Variants in KIAA1217 observed in about 807,000 individuals in gnomAD.
KIAA1217 encodes KIAA1217, also known as sickle tail protein homolog.
KIAA1217 carries 88 observed loss-of-function variants against 163.9 expected under a neutral mutation model. The observed-to-expected ratio is 0.54, with a 90% CI of 0.45 to 0.64. KIAA1217 has a LOEUF of 0.64. KIAA1217 is among the 30% of genes least tolerant of loss of function. KIAA1217 has a pLI of 0.00. For missense variants in KIAA1217, 2,372 were observed against 2,475.0 expected (o/e 0.96, Z 0.88); for synonymous variants, 903 against 923.1 (o/e 0.98, Z 0.39).
chr10:24,360,053 T>TTG (rs2049752724), intron 2 of KIAA1217, among the ~76,000 whole-genome samples: 1 of 142,702 alleles, frequency 7.0e-6, no homozygotes, highest in Non-Finnish European at 1.5e-5. Context: ...TTTTTTTTTT[T>TTG]TTTTTTTTTT....
intron 1 of KIAA1217, among the ~76,000 whole-genome samples, chr10:23,790,702 CACAT>C (rs1835901063): frequency 8.5e-6 from 1 of 118,222 alleles, no homozygotes; most frequent in Non-Finnish European, 1.6e-5. Context: ...TATATACACA[CACAT>C]ATATATATGT....
intron 1 of KIAA1217, among the ~76,000 whole-genome samples, chr10:23,784,786 T>C (rs1835415629): frequency 6.6e-6 from 1 of 152,244 alleles, no homozygotes; most frequent in Non-Finnish European, 1.5e-5. Context: ...TTTTCATTTT[T>C]AAATCTTGTA....
chr10:24,497,042 C>T (rs535312619), intron 8 of KIAA1217, among the ~76,000 whole-genome samples: 6 of 152,314 alleles, frequency 3.9e-5, no homozygotes, highest in African/African-American at 9.6e-5. Flanking sequence ...CTCACTCTAA[C>T]GTATCAGGGC....
chr10:24,262,454 C>T lies in KIAA1217; in HGVS notation c.354+42545C>T, dbSNP rs55681201. Reference sequence around the variant, plus strand: ...CATCCTGGCTAATACGGTGAAACTCCGTGTCTACTAAAAATACAAAAAATT... The same window carrying T: ...CATCCTGGCTAATACGGTGAAACTCTGTGTCTACTAAAAATACAAAAAATT... On this transcript the variant is annotated intron_variant, in intron 2 of 20. Transcript: ENST00000376454. Among the ~76,000 whole-genome samples, 881 of 151,884 alleles carry T rather than the reference C, an allele frequency of 5.8e-3. 11 individuals carry two copies. The highest frequency in any genetic ancestry group is 0.02 in the African/African-American group (835 of 41,406).
intron 2 of KIAA1217, among the ~76,000 whole-genome samples, chr10:24,047,941 G>A (rs1168030368): frequency 6.6e-6 from 1 of 152,156 alleles, no homozygotes; most frequent in South Asian, 2.1e-4. Context: ...CTAATAATAA[G>A]GAGCAAGCTG....
intron 2 of KIAA1217, chr10:24,368,805 A>T: frequency 1.0e-6 from 1 of 977,730 alleles, no homozygotes; most frequent in Non-Finnish European, 1.2e-6. Context: ...AAGCTGAGCC[A>T]TCTAGAATCA....
At chr10:24,270,604 G>A (rs921958293) in intron 2 of KIAA1217, among the ~76,000 whole-genome samples, 1 of 152,034 alleles carries the variant, frequency 6.6e-6, no homozygotes, top group Admixed American at 6.6e-5. Context: ...GCAGTGGTGC[G>A]ATTTCAGCTC....
At chr10:23,709,765 T>C (rs1837126899) in intron 1 of KIAA1217, among the ~76,000 whole-genome samples, 1 of 152,162 alleles carries the variant, frequency 6.6e-6, no homozygotes, top group Non-Finnish European at 1.5e-5. Flanking sequence ...TTATCATTTT[T>C]TCTGTTTAAC....
At chr10:24,324,329 G>A (rs1590968604) in intron 2 of KIAA1217, among the ~76,000 whole-genome samples, 1 of 152,180 alleles carries the variant, frequency 6.6e-6, no homozygotes, top group East Asian at 1.9e-4. Flanking sequence ...CACTTCGGGA[G>A]GCCAAGGTGG....
At chr10:24,172,605 C>G (rs1589765599) in intron 2 of KIAA1217, among the ~76,000 whole-genome samples, 1 of 152,310 alleles carries the variant, frequency 6.6e-6, no homozygotes, top group Non-Finnish European at 1.5e-5. Flanking sequence ...GAGTTAACAT[C>G]TGTCCAATGG....
intron 2 of KIAA1217, among the ~76,000 whole-genome samples, chr10:24,351,422 A>AT (rs2048447318): frequency 1.3e-5 from 2 of 152,150 alleles, no homozygotes; most frequent in Admixed American, 1.3e-4. Flanking sequence ...ATCCAAGGTC[A>AT]GTGTTCATGC....
chr10:23,884,929 A>G (rs1841106413), intron 1 of KIAA1217, among the ~76,000 whole-genome samples: 1 of 151,580 alleles, frequency 6.6e-6, no homozygotes, highest in African/African-American at 2.4e-5. Flanking sequence ...TCCATCCTCA[A>G]CTCACTAGAA....
chr10:24,042,853 A>G (rs1488529459), intron 2 of KIAA1217, among the ~76,000 whole-genome samples: 2 of 152,230 alleles, frequency 1.3e-5, no homozygotes, highest in Non-Finnish European at 2.9e-5. Flanking sequence ...AACAAAAAAA[A>G]GAAGGAAATT....
intron 1 of KIAA1217, among the ~76,000 whole-genome samples, chr10:23,980,112 C>T (rs907537113): frequency 6.6e-6 from 1 of 152,102 alleles, no homozygotes; most frequent in African/African-American, 2.4e-5. Flanking sequence ...TCTCATTTTC[C>T]TGTGTGATCC....
At chr10:23,884,550 T>C (rs1841091147) in intron 1 of KIAA1217, among the ~76,000 whole-genome samples, 1 of 151,950 alleles carries the variant, frequency 6.6e-6, no homozygotes, top group Admixed American at 6.6e-5. Context: ...GTCATCTTCA[T>C]CTCTTCAGCT....
At chr10:24,379,456 C>T (rs1371458884) in intron 2 of KIAA1217, among the ~76,000 whole-genome samples, 1 of 152,188 alleles carries the variant, frequency 6.6e-6, no homozygotes, top group Non-Finnish European at 1.5e-5. Context: ...TCCTGTAGAA[C>T]ACCCAGTCAT....
At chr10:23,874,445 A>G (rs1373322373) in intron 1 of KIAA1217, among the ~76,000 whole-genome samples, 1 of 152,008 alleles carries the variant, frequency 6.6e-6, no homozygotes, top group African/African-American at 2.4e-5. Flanking sequence ...TTGACTTAAC[A>G]TCCCTAGGCA....
chr10:24,466,407 A>C (rs573370566), intron 5 of KIAA1217: 2 of 345,000 alleles, frequency 5.8e-6, no homozygotes, highest in African/African-American at 4.5e-5. Context: ...CCCTGTAAGC[A>C]GTTGTTGAAG....
intron 3 of KIAA1217, among the ~76,000 whole-genome samples, chr10:24,404,580 A>C (rs1428959257): frequency 6.8e-6 from 1 of 147,486 alleles, no homozygotes; most frequent in Admixed American, 6.7e-5. Flanking sequence ...AAAAAAAAAA[A>C]AAAAAAAAAA....
Sources: allele counts gnomAD v4.1 joint callset (sites outside exome capture counted in the v4.1 genomes callset), GRCh38; gene constraint gnomAD v4.1.1; transcripts MANE v1.5; gene names NCBI Gene and HGNC (gene_info 2026-07-23, HGNC 2026-07-21).